Variants in UBE2G1 observed in about 807,000 individuals in gnomAD.
The protein encoded by UBE2G1 is ubiquitin-conjugating enzyme E2 G1.
Under a neutral mutation model 22.7 loss-of-function variants are expected in UBE2G1, and 5 were observed. That is an observed-to-expected ratio of 0.22 (90% confidence interval 0.12 to 0.46). The LOEUF is 0.46. Ranked by LOEUF, UBE2G1 falls within the 20% of genes least tolerant of loss-of-function variation. The pLI is 0.99. For synonymous variants in UBE2G1, 74 were observed against 67.5 expected (o/e 1.10, Z -0.47); for missense variants, 88 against 203.9 (o/e 0.43, Z 3.46).
chr17:4,286,266 G>A (rs532360563), intron 4 of UBE2G1, among the ~76,000 whole-genome samples: 13 of 151,846 alleles, frequency 8.6e-5, no homozygotes, highest in East Asian at 5.9e-4. Context: ...TTAGCCAGGC[G>A]TGGTGGCAGA....
intron 5 of UBE2G1, among the ~76,000 whole-genome samples, chr17:4,279,509 C>T (rs887151319): frequency 1.3e-5 from 2 of 151,970 alleles, no homozygotes; most frequent in African/African-American, 2.4e-5. Context: ...ATATGAAAAG[C>T]GAAACAAAAC....
At chr17:4,365,253 C>T (rs2143843922) in intron 1 of UBE2G1, among the ~76,000 whole-genome samples, 1 of 152,330 alleles carries the variant, frequency 6.6e-6, no homozygotes, top group South Asian at 2.1e-4. Context: ...GGGGTAAGTG[C>T]TGGTTCATTT....
intron 5 of UBE2G1, among the ~76,000 whole-genome samples, chr17:4,276,118 G>A (rs1433628027): frequency 6.6e-6 from 1 of 152,138 alleles, no homozygotes; most frequent in Non-Finnish European, 1.5e-5. Context: ...AATGTCACCA[G>A]CAGCCCTACT....
chr17:4,332,614 C>G (rs1478282354), intron 1 of UBE2G1, among the ~76,000 whole-genome samples: 1 of 152,158 alleles, frequency 6.6e-6, no homozygotes, highest in Non-Finnish European at 1.5e-5. Context: ...CGCTCTGCCA[C>G]CGCAGGGGCT....
chr17:4,312,878 T>C (rs1598190398), intron 1 of UBE2G1, among the ~76,000 whole-genome samples: 1 of 150,226 alleles, frequency 6.7e-6, no homozygotes, highest in Admixed American at 6.7e-5. Flanking sequence ...GCATAAGCAG[T>C]GTCAGTGTGA....
intron 1 of UBE2G1, among the ~76,000 whole-genome samples, chr17:4,311,535 T>C (rs1969309868): frequency 1.3e-5 from 2 of 152,302 alleles, no homozygotes; most frequent in Admixed American, 6.5e-5. Context: ...GAAGCAGACA[T>C]ATAAAGTCAC....
chr17:4,322,890 A>G (rs895146713), intron 1 of UBE2G1, among the ~76,000 whole-genome samples: 1 of 152,172 alleles, frequency 6.6e-6, no homozygotes, highest in African/African-American at 2.4e-5. Context: ...TGGCAACAGC[A>G]ATGTGCATTT....
intron 2 of UBE2G1, among the ~76,000 whole-genome samples, chr17:4,297,086 C>T (rs905198341): frequency 6.6e-6 from 1 of 152,190 alleles, no homozygotes; most frequent in Non-Finnish European, 1.5e-5. Flanking sequence ...CATATTACTG[C>T]TATGCTACAA....
chr17:4,347,469 CTT>C (rs34014821), intron 1 of UBE2G1, among the ~76,000 whole-genome samples: 23 of 89,526 alleles, frequency 2.6e-4, no homozygotes, highest in Admixed American at 7.3e-4. Flanking sequence ...AGTATTTCTT[CTT>C]TTTTTTTTTT....
At chr17:4,298,886 G>A (rs1969141228) in intron 2 of UBE2G1, among the ~76,000 whole-genome samples, 1 of 152,182 alleles carries the variant, frequency 6.6e-6, no homozygotes, top group African/African-American at 2.4e-5. Flanking sequence ...CTATTGAAAG[G>A]AAGAAGCATG....
chr17:4,337,330 AAAAGAAAAG>A (rs1331367691), intron 1 of UBE2G1, among the ~76,000 whole-genome samples: 41 of 143,636 alleles, frequency 2.9e-4, no homozygotes, highest in African/African-American at 1.0e-3. Context: ...AAAAAAAAAA[AAAAGAAAAG>A]AAAAGAAAGA....
chr17:4,341,676 G>A (rs1969714153), intron 1 of UBE2G1, among the ~76,000 whole-genome samples: 1 of 152,132 alleles, frequency 6.6e-6, no homozygotes, highest in South Asian at 2.1e-4. Flanking sequence ...AACTTTAAGA[G>A]TTGTCTTCAT....
At chr17:4,315,512 G>C (rs530475934) in intron 1 of UBE2G1, among the ~76,000 whole-genome samples, 2 of 151,786 alleles carry the variant, frequency 1.3e-5, no homozygotes, top group Non-Finnish European at 2.9e-5. Flanking sequence ...AGGCTGAGAC[G>C]GGCGGATCAT....
chr17:4,290,247 G>C lies in UBE2G1; in HGVS notation c.248-839C>G, dbSNP rs77716555. On this transcript the variant is annotated intron_variant, in intron 3 of 5. Transcript: ENST00000396981. ...ACTTTGAGGAAGAAATTTTAGAAAGGAATTTGAGTAGTGACAATGTTTATG... is the reference window on the plus strand; with the variant it reads ...ACTTTGAGGAAGAAATTTTAGAAAGCAATTTGAGTAGTGACAATGTTTATG... Among the ~76,000 whole-genome samples the C allele has an allele frequency of 5.3e-3, 810 of 152,172 alleles. 5 individuals are homozygous for C. The highest frequency in any genetic ancestry group is 0.018 in the African/African-American group (762 of 41,522).
At chr17:4,294,668 T>G (rs1192686495) in intron 3 of UBE2G1, among the ~76,000 whole-genome samples, 2 of 151,994 alleles carry the variant, frequency 1.3e-5, no homozygotes. Flanking sequence ...TCCCAGTACT[T>G]TGGGAGGACA....
chr17:4,362,950 C>T (rs537050833), intron 1 of UBE2G1, among the ~76,000 whole-genome samples: 99 of 152,186 alleles, frequency 6.5e-4, no homozygotes, highest in African/African-American at 2.3e-3. Flanking sequence ...TGGTGAAACC[C>T]TGTCTCTACT....
chr17:4,346,620 G>A (rs1228347563), intron 1 of UBE2G1, among the ~76,000 whole-genome samples: 1 of 150,900 alleles, frequency 6.6e-6, no homozygotes, highest in African/African-American at 2.4e-5. Context: ...ATTTTTAGTA[G>A]AGACGGGGTT....
At chr17:4,356,886 T>C (rs545268058) in intron 1 of UBE2G1, among the ~76,000 whole-genome samples, 1 of 152,302 alleles carries the variant, frequency 6.6e-6, no homozygotes, top group African/African-American at 2.4e-5. Flanking sequence ...CAGGTGACTT[T>C]TTTTAAAAAC....
chr17:4,282,335 G>A (rs571746283), intron 5 of UBE2G1, among the ~76,000 whole-genome samples: 4 of 152,050 alleles, frequency 2.6e-5, no homozygotes, highest in African/African-American at 7.2e-5. Context: ...CACCCGCCTC[G>A]GCTTCCCAAA....
Sources: allele counts gnomAD v4.1 joint callset (sites outside exome capture counted in the v4.1 genomes callset), GRCh38; gene constraint gnomAD v4.1.1; transcripts MANE v1.5; gene names NCBI Gene and HGNC (gene_info 2026-07-23, HGNC 2026-07-21).